The following STK3 variants were observed in gnomAD, a reference collection of about 807,000 sequenced individuals.
STK3 encodes the protein serine/threonine kinase 3, also known as serine/threonine-protein kinase 3.
STK3 carries 41 observed loss-of-function variants against 58.0 expected under a neutral mutation model. That is an observed-to-expected ratio of 0.71 (90% CI 0.55 to 0.92). The LOEUF (loss-of-function observed/expected upper bound fraction) is 0.92, where lower values mean the gene tolerates loss of function less well. STK3 is among the 40% of genes least tolerant of loss of function. STK3 has a pLI of 0.00. For synonymous variants in STK3, 170 were observed against 191.0 expected, an observed-to-expected ratio of 0.89 and a Z score of 0.91; for missense variants, 479 against 602.7, an observed-to-expected ratio of 0.79 and a Z score of 2.15.
At chr8:98,866,177 T>C (rs1402076977) in intron 3 of STK3, among the ~76,000 whole-genome samples, 1 of 152,230 alleles carries the variant, frequency 6.6e-6, no homozygotes, top group Non-Finnish European at 1.5e-5. Context: ...AGAGAGTGTG[T>C]CTAGTTTTTG....
At chr8:98,872,956 G>A (rs545538204) in intron 3 of STK3, among the ~76,000 whole-genome samples, 1 of 152,136 alleles carries the variant, frequency 6.6e-6, no homozygotes, top group South Asian at 2.1e-4. Flanking sequence ...GATCTTTCCT[G>A]CTTTCTCTTG....
At chr8:98,901,267 G>A (rs913984991) in intron 1 of STK3, among the ~76,000 whole-genome samples, 1 of 152,214 alleles carries the variant, frequency 6.6e-6, no homozygotes, top group African/African-American at 2.4e-5. Context: ...TTATTGTGAA[G>A]ATTAAGTGAG....
At chr8:98,344,432 G>A in the STK3 span, among the ~76,000 whole-genome samples, 2 of 152,236 alleles carry the variant, frequency 1.3e-5, no homozygotes, top group Non-Finnish European at 2.9e-5. Context: ...AAGAGCCTGG[G>A]AAGGAGAAGG....
At chr8:98,606,036 T>C (rs906840099) in intron 6 of STK3, 1 of 152,240 alleles carries the variant, frequency 6.6e-6, no homozygotes. Flanking sequence ...GAGACCAGCT[T>C]GGCCAACATG....
chr8:98,528,855 G>A (rs761270108), intron 9 of STK3, among the ~76,000 whole-genome samples: 10 of 152,124 alleles, frequency 6.6e-5, no homozygotes, highest in South Asian at 4.1e-4. Flanking sequence ...TTACTCTTTC[G>A]TATAATTGTC....
intron 6 of STK3, among the ~76,000 whole-genome samples, chr8:98,616,595 C>A (rs898801727): frequency 3.6e-5 from 5 of 140,308 alleles, no homozygotes; most frequent in African/African-American, 8.0e-5. Flanking sequence ...CACATAGGCT[C>A]AAAATAAAAG....
chr8:98,693,823 T>C (rs1824607561), intron 6 of STK3, among the ~76,000 whole-genome samples: 1 of 152,180 alleles, frequency 6.6e-6, no homozygotes, highest in African/African-American at 2.4e-5. Context: ...GAGAATCAGT[T>C]TTCCAGAATT....
At chr8:98,751,740 G>C (rs1054492197) in intron 3 of STK3, among the ~76,000 whole-genome samples, 2 of 152,146 alleles carry the variant, frequency 1.3e-5, no homozygotes, top group African/African-American at 4.8e-5. Flanking sequence ...AGGAGTTTCA[G>C]ATCAGCCTGG....
intron 10 of STK3, among the ~76,000 whole-genome samples, chr8:98,492,497 CA>C (rs1355451296): frequency 6.6e-6 from 1 of 151,868 alleles, no homozygotes; most frequent in Non-Finnish European, 1.5e-5. Context: ...AAATCAAATG[CA>C]AATATGCTGA....
At chr8:98,381,670 G>A (rs1817734587) in intron 1 of STK3, among the ~76,000 whole-genome samples, 1 of 152,230 alleles carries the variant, frequency 6.6e-6, no homozygotes, top group South Asian at 2.1e-4. Flanking sequence ...ACCTTTTGAG[G>A]TAGGTGTTAC....
intron 1 of STK3, among the ~76,000 whole-genome samples, chr8:98,907,171 A>T (rs1838943512): frequency 6.6e-6 from 1 of 151,438 alleles, no homozygotes; most frequent in Admixed American, 6.6e-5. Flanking sequence ...AGCAACCAAA[A>T]AACAAAATTT....
At chr8:98,897,410 A>T (rs1424139351) in intron 1 of STK3, among the ~76,000 whole-genome samples, 4 of 152,196 alleles carry the variant, frequency 2.6e-5, no homozygotes, top group South Asian at 4.2e-4. Flanking sequence ...ACAAAAAAAA[A>T]TTAACCGGGC....
At chr8:98,672,833 C>G (rs1822927209) in intron 6 of STK3, among the ~76,000 whole-genome samples, 1 of 152,190 alleles carries the variant, frequency 6.6e-6, no homozygotes, top group Non-Finnish European at 1.5e-5. Flanking sequence ...TTCTAACCAT[C>G]AAGTTATTAC....
At chr8:98,923,880 G>A (rs1277181043) in intron 1 of STK3, among the ~76,000 whole-genome samples, 2 of 146,086 alleles carry the variant, frequency 1.4e-5, no homozygotes, top group East Asian at 2.0e-4. Context: ...CGCGCGCGTT[G>A]ACAATGATGG....
At chr8:98,804,088 G>A (rs1833758850) in intron 1 of STK3, among the ~76,000 whole-genome samples, 4 of 151,732 alleles carry the variant, frequency 2.6e-5, no homozygotes, top group Admixed American at 6.6e-5. Context: ...TGCAACCTCC[G>A]CCTCCCAGGT....
intron 10 of STK3, among the ~76,000 whole-genome samples, chr8:98,495,741 A>G (rs1482461440): frequency 1.3e-5 from 2 of 152,222 alleles, no homozygotes; most frequent in African/African-American, 2.4e-5. Context: ...TTATAGCAAC[A>G]GATTTACTAC....
chr8:98,502,952 T>C (rs1272252258), intron 10 of STK3, among the ~76,000 whole-genome samples: 1 of 152,230 alleles, frequency 6.6e-6, no homozygotes, highest in East Asian at 1.9e-4. Flanking sequence ...CTTTTTCTAT[T>C]GATTACAATA....
chr8:98,908,092 A>G (rs1838985449), intron 1 of STK3, among the ~76,000 whole-genome samples: 1 of 152,206 alleles, frequency 6.6e-6, no homozygotes, highest in African/African-American at 2.4e-5. Context: ...TTTCATCAAG[A>G]GGCTAATTGG....
At chr8:98,693,877 T>C (rs763053578) in intron 6 of STK3, among the ~76,000 whole-genome samples, 34 of 152,122 alleles carry the variant, frequency 2.2e-4, no homozygotes, top group Non-Finnish European at 5.9e-5. Flanking sequence ...AAGGAGGACA[T>C]GGATGCTTTT....
Sources: gnomAD v4.1 joint callset for allele counts (sites outside exome capture counted in the v4.1 genomes callset) on GRCh38, gnomAD v4.1.1 for gene constraint, MANE v1.5 for transcripts, NCBI Gene and HGNC (gene_info 2026-07-23, HGNC 2026-07-21) for gene names.